NIBAN1: variants seen among roughly 807,000 people sequenced by gnomAD.
NIBAN1 encodes the protein niban apoptosis regulator 1, also known as protein Niban 1.
In NIBAN1, 81 loss-of-function variants were observed where a neutral mutation model predicts 75.1. The ratio of observed to expected loss-of-function variants is 1.08; its 90% CI spans 0.90 to 1.30. NIBAN1 has a LOEUF of 1.30. Ranked by LOEUF, NIBAN1 falls within the 50% of genes most tolerant of loss-of-function variation. The pLI is 0.00. For synonymous variants in NIBAN1, 436 were observed against 424.8 expected, an observed-to-expected ratio of 1.03 and a Z score of -0.32; for missense variants, 1,133 against 1,128.1, an observed-to-expected ratio of 1.00 and a Z score of -0.06.
intron 1 of NIBAN1, among the ~76,000 whole-genome samples, chr1:184,911,840 A>G (rs1227784292): frequency 6.6e-6 from 1 of 152,180 alleles, no homozygotes; most frequent in Non-Finnish European, 1.5e-5. Flanking sequence ...AACAGTTCAG[A>G]CAGAATAATA....
rs145559286 is a variant in NIBAN1 at position 184,961,715 on chromosome 1, T to C, written c.55+12587A>G. On this transcript the variant is annotated intron_variant, in intron 1 of 13. Transcript: ENST00000367511. ...TAACCAAATCATGATAATTCCATAC[T>C]CTTGCCAGTGATGGCTTAGGAAGGA... is the stretch of plus-strand genomic sequence containing the variant. Among the ~76,000 whole-genome samples, 536 of 152,318 alleles carry C rather than the reference T, an allele frequency of 3.5e-3. 6 individuals are homozygous for C. The highest frequency in any genetic ancestry group is 0.012 in the African/African-American group (509 of 41,564).
intron 5 of NIBAN1, among the ~76,000 whole-genome samples, chr1:184,862,106 C>T (rs1655832562): frequency 6.6e-6 from 1 of 152,188 alleles, no homozygotes; most frequent in Non-Finnish European, 1.5e-5. Context: ...AACATTAGAC[C>T]ATGCCAAAGT....
chr1:184,921,394 C>T (rs186817), intron 1 of NIBAN1, among the ~76,000 whole-genome samples: 29,980 of 151,938 alleles, frequency 0.2, 6,481 homozygotes, highest in African/African-American at 0.54. Flanking sequence ...ATAGAGACAG[C>T]GATCACAAAA....
At chr1:184,903,551 G>A (rs1435399868) in intron 1 of NIBAN1, among the ~76,000 whole-genome samples, 1 of 151,890 alleles carries the variant, frequency 6.6e-6, no homozygotes, top group Non-Finnish European at 1.5e-5. Context: ...ATGAGAGCTG[G>A]TTGTTTGAAG....
intron 5 of NIBAN1, among the ~76,000 whole-genome samples, chr1:184,851,965 C>T (rs1372255488): frequency 6.6e-6 from 1 of 152,014 alleles, no homozygotes; most frequent in African/African-American, 2.4e-5. Context: ...CTGGCAGCTT[C>T]CAAAGCCCAG....
At chr1:184,908,774 T>G in intron 1 of NIBAN1, among the ~76,000 whole-genome samples, 1 of 152,220 alleles carries the variant, frequency 6.6e-6, no homozygotes, top group East Asian at 1.9e-4. Context: ...ATGATACATC[T>G]GATGAGAATA....
chr1:184,899,800 T>A (rs913598533), intron 1 of NIBAN1, among the ~76,000 whole-genome samples: 2 of 144,300 alleles, frequency 1.4e-5, no homozygotes, highest in African/African-American at 2.6e-5. Context: ...TGCAAGCACA[T>A]CACTCTCTTT....
chr1:184,943,482 G>C (rs1167495299), intron 1 of NIBAN1, among the ~76,000 whole-genome samples: 2 of 152,108 alleles, frequency 1.3e-5, no homozygotes, highest in Non-Finnish European at 2.9e-5. Context: ...GAAGCAAAGA[G>C]GTTGTATTTG....
chr1:184,968,453 A>G (rs1160400057), intron 1 of NIBAN1, among the ~76,000 whole-genome samples: 2 of 152,112 alleles, frequency 1.3e-5, no homozygotes, highest in African/African-American at 4.8e-5. Flanking sequence ...TTTCACTTAA[A>G]ATATAAAGTG....
At chr1:184,895,494 G>T (rs1656774939) in intron 2 of NIBAN1, among the ~76,000 whole-genome samples, 9 of 152,096 alleles carry the variant, frequency 5.9e-5, no homozygotes, top group Admixed American at 5.9e-4. Context: ...TAAATATATT[G>T]GTTAACTTCT....
chr1:184,841,285 G>A (rs1482490933), intron 5 of NIBAN1, among the ~76,000 whole-genome samples: 3 of 152,094 alleles, frequency 2.0e-5, no homozygotes, highest in Non-Finnish European at 4.4e-5. Flanking sequence ...CAAACCCTGG[G>A]GTTTCATTTA....
chr1:184,870,560 G>T (rs939892952), intron 5 of NIBAN1, among the ~76,000 whole-genome samples: 5 of 152,196 alleles, frequency 3.3e-5, no homozygotes, highest in Admixed American at 6.5e-5. Context: ...GCCCAAGAAG[G>T]TGGCTTTTGA....
At chr1:184,933,060 C>T (rs1281874252) in intron 1 of NIBAN1, among the ~76,000 whole-genome samples, 1 of 152,230 alleles carries the variant, frequency 6.6e-6, no homozygotes, top group Non-Finnish European at 1.5e-5. Context: ...AGCTCTCAGT[C>T]TAACAATGAA....
At chr1:184,819,073 G>A (rs1444657695) in intron 8 of NIBAN1, among the ~76,000 whole-genome samples, 1 of 151,990 alleles carries the variant, frequency 6.6e-6, no homozygotes, top group Non-Finnish European at 1.5e-5. Flanking sequence ...GGGATAAAAT[G>A]CATTTTTCTG....
At chr1:184,827,446 T>C (rs912993978) in intron 6 of NIBAN1, among the ~76,000 whole-genome samples, 3 of 152,030 alleles carry the variant, frequency 2.0e-5, no homozygotes, top group African/African-American at 7.3e-5. Flanking sequence ...TGGGCTTTTC[T>C]AGAGAAAGTA....
intron 5 of NIBAN1, among the ~76,000 whole-genome samples, chr1:184,878,286 A>T (rs1656285579): frequency 6.6e-6 from 1 of 152,238 alleles, no homozygotes; most frequent in Non-Finnish European, 1.5e-5. Context: ...AATTGCTTTG[A>T]GAGCTTCAAG....
intron 1 of NIBAN1, among the ~76,000 whole-genome samples, chr1:184,941,486 C>T (rs1260997858): frequency 1.3e-5 from 2 of 151,824 alleles, no homozygotes; most frequent in African/African-American, 4.8e-5. Flanking sequence ...CCTGTCTCTA[C>T]AAAAAATACA....
chr1:184,851,793 T>A (rs1338973402), intron 5 of NIBAN1, among the ~76,000 whole-genome samples: 1 of 151,830 alleles, frequency 6.6e-6, no homozygotes, highest in African/African-American at 2.4e-5. Context: ...GTTTATGAAA[T>A]GTTACACTGT....
chr1:184,948,301 T>C (rs1285833509), intron 1 of NIBAN1, among the ~76,000 whole-genome samples: 1 of 152,172 alleles, frequency 6.6e-6, no homozygotes, highest in African/African-American at 2.4e-5. Context: ...CATTTATTCA[T>C]TCATGCCACA....
Sources: gnomAD v4.1 joint callset for allele counts (sites outside exome capture counted in the v4.1 genomes callset) on GRCh38, gnomAD v4.1.1 for gene constraint, MANE v1.5 for transcripts, NCBI Gene and HGNC (gene_info 2026-07-23, HGNC 2026-07-21) for gene names.